PNN: variants seen among roughly 807,000 people sequenced by gnomAD.
PNN encodes pinin.
PNN carries 38 observed loss-of-function variants against 76.6 expected under a neutral mutation model. That is an observed-to-expected ratio of 0.50 (90% CI 0.38 to 0.65). The LOEUF is 0.65. PNN is among the 30% of genes least tolerant of loss of function. The pLI is 0.00. For synonymous variants in PNN, 366 were observed against 283.7 expected, an observed-to-expected ratio of 1.29 and a Z score of -2.91; for missense variants, 873 against 874.1, an observed-to-expected ratio of 1.00 and a Z score of 0.02.
At chr14:39,175,441 T>C (rs1350837169) in intron 1 of PNN, 49 bp downstream of exon 1, 3 of 1,175,952 alleles carry the variant, frequency 2.6e-6, no homozygotes, top group Non-Finnish European at 3.8e-6. Flanking sequence ...GAGGCAGCCC[T>C]CAGGTCGGGG....
At chr14:39,175,435 C>T (rs1356165756) in intron 1 of PNN, 43 bp downstream of exon 1, 3 of 1,241,642 alleles carry the variant, frequency 2.4e-6, no homozygotes, top group South Asian at 1.2e-5. Flanking sequence ...CTCGGAGAGG[C>T]AGCCCTCAGG....
chr14:39,177,510 G>A, intron 4 of PNN, 26 bp downstream of exon 4: 1 of 1,599,810 alleles, frequency 6.3e-7, no homozygotes, highest in South Asian at 1.1e-5. Context: ...GAACTTAAAT[G>A]AATGTAGTAC....
In PNN at chr14:39,181,640, G is replaced by A. The variant is rs1481961532; in HGVS notation, c.1931G>A (p.Arg644Lys). 6.2e-7 allele frequency: 1 copy of A among 1,614,146 alleles called. No homozygotes were observed. Among genetic ancestry groups the A allele is most frequent in the Middle Eastern group, 1.6e-4 (1 of 6,062 alleles). Residue 644 changes from arginine to lysine, a missense_variant, in exon 9 of 9, where the codon AGA (arginine) becomes AAA (lysine). Physicochemically the swap from Arg to Lys is conservative, Grantham distance 26. This residue lies in a region of PNN where 712 missense variants were observed against 693.1 expected (regional missense o/e 1.03). Coordinates refer to ENST00000216832, the MANE Select transcript of PNN (RefSeq NM_002687.4). ...AGGGGCCGGGGACATAATAGAGATA[G>A]AAAGCACAGAAGGAGCGTGGATCGG... ...RSRGRGHNRD[R>K]KHRRSVDRKR...
rs775169042 is a variant in PNN at position 39,180,766 on chromosome 14, CAGG to C, written c.1065_1067del (p.Glu357del). On this transcript the variant is annotated inframe_deletion, in exon 9 of 9. Coordinates refer to ENST00000216832, the MANE Select transcript of PNN (RefSeq NM_002687.4). ...TGTTCATAGTGATGCAGAGAAAGAACAGGAGGAGGAAGAACAAAAACAGGAAAT... is the reference window on the plus strand; with the variant it reads ...TGTTCATAGTGATGCAGAGAAAGAACAGGAGGAAGAACAAAAACAGGAAAT... 5 of 1,603,926 alleles carry C rather than the reference CAGG, an allele frequency of 3.1e-6. No homozygotes were observed. Among genetic ancestry groups the C allele is most frequent in the East Asian group, 2.3e-5 (1 of 44,314 alleles).
At chr14:39,177,801 G>A (rs2053240506) in intron 5 of PNN, 40 bp from the exon 6 acceptor site, 2 of 1,506,596 alleles carry the variant, frequency 1.3e-6, no homozygotes, top group Non-Finnish European at 1.8e-6. Context: ...TAAATGAAAT[G>A]GATCCTGTTG....
At position 39,177,429 on chromosome 14, in the gene PNN, G is replaced by A. The variant is rs923074209; in HGVS notation, c.272G>A (p.Arg91Gln). 6.2e-6 allele frequency: 10 copies of A among 1,613,800 alleles called. No individual in the cohort carries two copies. The highest frequency in any genetic ancestry group is 7.6e-6 in the Non-Finnish European group (9 of 1,179,900). ...TATGACAGGCTGGGCGGGGAGCGTC[G>A]GACCAGAAGAGAATCACGCCAGGAA... is the stretch of plus-strand genomic sequence containing the variant. ...GAVSRLGGER[R>Q]TRRESRQESD... The change falls in exon 4 of 9, where the codon CGG (arginine) becomes CAG (glutamine). Residue 91 changes from arginine (R) to glutamine (Q), a missense_variant. By Grantham distance (43) the Arg-to-Gln change is conservative. Coordinates refer to ENST00000216832, the MANE Select transcript of PNN (RefSeq NM_002687.4).
Position 39,180,780 on chromosome 14 carries a change from A to G in PNN, c.1071A>G (p.Glu357=). 6.2e-7 allele frequency: 1 copy of G among 1,609,350 alleles called. No individual in the cohort carries two copies. The part of the protein sequence containing the change: ...SDAEKEQEEE[E]QKQEMEVKME... Reference sequence around the variant, plus strand: ...CAGAGAAAGAACAGGAGGAGGAAGAACAAAAACAGGAAATGGAGGTTAAGA... The same window carrying G: ...CAGAGAAAGAACAGGAGGAGGAAGAGCAAAAACAGGAAATGGAGGTTAAGA... Residue 357 remains glutamate (E), a synonymous_variant, in exon 9 of 9, where the codon GAA becomes GAG. Coordinates refer to ENST00000216832, the MANE Select transcript of PNN (RefSeq NM_002687.4).
chr14:39,176,036 T>TG, intron 1 of PNN, 42 bp from the exon 2 acceptor site: 1 of 1,047,216 alleles, frequency 9.5e-7, no homozygotes, highest in Non-Finnish European at 1.5e-6. Flanking sequence ...CGACTGTGTG[T>TG]GTCTACATAT....
At position 39,181,142 on chromosome 14, in the gene PNN, C is replaced by T; in HGVS notation, c.1433C>T (p.Pro478Leu). 6.2e-7 allele frequency: 1 copy of T among 1,607,716 alleles called. No homozygotes were observed. Among genetic ancestry groups the T allele is most frequent in the Admixed American group, 1.7e-5 (1 of 60,002 alleles). The change falls in exon 9 of 9, where the codon CCT becomes CTT. Residue 478 changes from proline to leucine, a missense_variant. By Grantham distance (98) the Pro-to-Leu change is moderately conservative (BLOSUM62 -3). Transcript: ENST00000216832. ...PQPEPVAQPQ[P>L]QSQPQLQLQS... The stretch of plus-strand genomic sequence containing the variant: ...CCTGAGCCTGTGGCTCAACCTCAGC[C>T]TCAGTCTCAGCCCCAGCTTCAGCTT...
At position 39,181,804 on chromosome 14, in the gene PNN, A is replaced by C. The variant is rs761241323; in HGVS notation, c.2095A>C (p.Lys699Gln). Residue 699 changes from lysine to glutamine, a missense_variant, in exon 9 of 9, where the codon AAA becomes CAA. Coordinates refer to ENST00000216832, the MANE Select transcript of PNN (RefSeq NM_002687.4). ...TATATCAGAGAGTAGTCGATCAGGC[A>C]AAAGATCTTCAAGAAGTGAAAGAGA... ...RSISESSRSGKRSSRSERDRK... is the reference protein window; with the variant it reads ...RSISESSRSGQRSSRSERDRK... The C allele has an allele frequency of 3.7e-6, 6 of 1,611,280 alleles. No individual in the cohort carries two copies. The highest frequency in any genetic ancestry group is 5.1e-6 in the Non-Finnish European group (6 of 1,179,406).
intron 3 of PNN, 98 bp downstream of exon 3, chr14:39,176,693 A>G: frequency 1.3e-6 from 1 of 786,198 alleles, no homozygotes; most frequent in Non-Finnish European, 2.0e-6. Context: ...AGCAATATTA[A>G]AATTGAGTGG....
At chr14:39,179,586 T>G in intron 8 of PNN, 124 bp downstream of exon 8, 5 of 878,404 alleles carry the variant, frequency 5.7e-6, no homozygotes, top group Non-Finnish European at 8.5e-6. Flanking sequence ...GCTTTTTTTT[T>G]TTAAATAAGA....
At position 39,177,405 on chromosome 14, in the gene PNN, A is replaced by C; in HGVS notation, c.255-7A>C. 6.2e-7 allele frequency: 1 copy of C among 1,612,470 alleles called. No homozygotes were observed. The highest frequency in any genetic ancestry group is 8.5e-7 in the Non-Finnish European group (1 of 1,178,750). On this transcript the variant is annotated splice_polypyrimidine_tract_variant and splice_region_variant and intron_variant, in intron 3 of 8. Transcript: ENST00000216832. Reference sequence around the variant, plus strand: ...TGTCTCAAAAAAATTAATATTTTCTATGACAGGCTGGGCGGGGAGCGTCGG... The same window carrying C: ...TGTCTCAAAAAAATTAATATTTTCTCTGACAGGCTGGGCGGGGAGCGTCGG...
Position 39,182,114 on chromosome 14 carries a change from C to T in PNN, c.*251C>T, listed in dbSNP as rs1054061104. ...ATAATAATAAAAAAAGATTAACATC[C>T]CTTGTCATCTTTTTTAAATATCCTA... On this transcript the variant is annotated 3_prime_UTR_variant, in exon 9 of 9. Transcript: ENST00000216832. 1.6e-5 allele frequency: 6 copies of T among 363,950 alleles called. No homozygotes were observed. In the Admixed American group the frequency reaches 2.2e-4, roughly 13 times the overall value. 22.5% of individuals were successfully genotyped at this position (363,950 alleles called of 1,614,324 possible).
chr14:39,175,992 C>G lies in PNN; in HGVS notation c.114-86C>G, dbSNP rs559933140. The G allele has an allele frequency of 4.7e-5, 34 of 727,450 alleles. No individual in the cohort carries two copies. The South Asian group carries it at 5.2e-4, about 11-fold the overall frequency. 45.1% of individuals were successfully genotyped at this position (727,450 alleles called of 1,614,324 possible). ...TTTTGGAACTTTTGTGATTTTTTCT[C>G]CTTATGATCCACATCTCTGAAAGTA... On this transcript the variant is annotated intron_variant, in intron 1 of 8. Transcript: ENST00000216832.
chr14:39,182,050 T>G lies in PNN; in HGVS notation c.*187T>G, dbSNP rs1325520956. 2 of 506,956 alleles carry G rather than the reference T, an allele frequency of 3.9e-6. No individual in the cohort carries two copies. Among genetic ancestry groups the G allele is most frequent in the Admixed American group, 7.7e-5 (2 of 26,004 alleles). The allele number at this position is 506,956 out of a possible 1,614,324, so 31.4% of individuals were successfully genotyped here. A position where few individuals can be genotyped will look rare whatever the true frequency, so the allele number is the denominator to read the frequency against. ...TTTTGCATAATTTTGTAAGAGTTAT[T>G]TATCAAAATTATGTGAGGTTCCAAA... On this transcript the variant is annotated 3_prime_UTR_variant, in exon 9 of 9. Coordinates refer to ENST00000216832, the MANE Select transcript of PNN (RefSeq NM_002687.4).
At position 39,180,990 on chromosome 14, in the gene PNN, A is replaced by G; in HGVS notation, c.1281A>G (p.Pro427=). The part of the protein sequence containing the change: ...SENEASKELE[P]EMEFEIEPDK... ...ATGAAGCTAGCAAAGAATTGGAACCAGAAATGGAATTTGAAATTGAGCCAG... is the reference window on the plus strand; with the variant it reads ...ATGAAGCTAGCAAAGAATTGGAACCGGAAATGGAATTTGAAATTGAGCCAG... The change falls in exon 9 of 9, where the codon CCA becomes CCG. Residue 427 remains proline, a synonymous_variant. Coordinates refer to ENST00000216832, the MANE Select transcript of PNN (RefSeq NM_002687.4). The G allele has an allele frequency of 6.2e-7, 1 of 1,613,458 alleles. No homozygotes were observed. The highest frequency in any genetic ancestry group is 1.1e-5 in the South Asian group (1 of 90,946).
intron 4 of PNN, 49 bp from the exon 5 acceptor site, chr14:39,177,544 C>T (rs373769168): frequency 1.1e-5 from 17 of 1,589,982 alleles, no homozygotes; most frequent in Non-Finnish European, 1.5e-5. Flanking sequence ...CATTTAAAAG[C>T]ACACCACTCA....
intron 2 of PNN, 88 bp downstream of exon 2, chr14:39,176,237 A>G (rs578020257): frequency 7.2e-5 from 57 of 792,768 alleles, no homozygotes; most frequent in South Asian, 1.8e-4. Context: ...GATAAAATCA[A>G]TAACCCAGTG....
Sources: gnomAD v4.1 joint callset for allele counts on GRCh38, gnomAD v4.1.1 for gene constraint, gnomAD v4.1.1 regional missense constraint, MANE v1.5 for transcripts, NCBI Gene and HGNC (gene_info 2026-07-23, HGNC 2026-07-21) for gene names.